Variants in SLC35F3 observed in about 807,000 individuals in gnomAD.
SLC35F3 encodes the protein putative thiamine transporter SLC35F3.
SLC35F3 carries 25 observed loss-of-function variants against 49.9 expected under a neutral mutation model. The observed-to-expected ratio is 0.50, with a 90% CI of 0.37 to 0.70. The LOEUF (loss-of-function observed/expected upper bound fraction) is 0.70. Among genes scored for constraint, SLC35F3 ranks in the 30% least tolerant of loss-of-function variants. The pLI is 0.00. For synonymous variants in SLC35F3, 275 were observed against 265.4 expected, an observed-to-expected ratio of 1.04 and a Z score of -0.35; for missense variants, 525 against 639.8, an observed-to-expected ratio of 0.82 and a Z score of 1.94.
chr1:234,248,072 T>C (rs1014133226), intron 3 of SLC35F3, among the ~76,000 whole-genome samples: 2 of 152,288 alleles, frequency 1.3e-5, no homozygotes, highest in Non-Finnish European at 2.9e-5. Context: ...GTTCAGTAGG[T>C]TGGTTGGCTG....
At chr1:234,226,550 T>G (rs1292452856) in intron 2 of SLC35F3, among the ~76,000 whole-genome samples, 7 of 22,338 alleles carry the variant, frequency 3.1e-4, no homozygotes, top group African/African-American at 3.0e-3. Context: ...TTACATTAAG[T>G]TAAAAAAAAA....
chr1:234,040,483 C>G (rs1337397649), intron 2 of SLC35F3, among the ~76,000 whole-genome samples: 1 of 152,208 alleles, frequency 6.6e-6, no homozygotes, highest in Non-Finnish European at 1.5e-5. Context: ...CCCCTGTCTG[C>G]CTAGAGTTTC....
chr1:233,937,329 A>G (rs1418480129), intron 2 of SLC35F3, among the ~76,000 whole-genome samples: 1 of 152,262 alleles, frequency 6.6e-6, no homozygotes, highest in Non-Finnish European at 1.5e-5. Context: ...TGCAAATTAA[A>G]TGGATGAAGA....
chr1:234,022,361 A>G (rs1663908969), intron 2 of SLC35F3, among the ~76,000 whole-genome samples: 1 of 152,218 alleles, frequency 6.6e-6, no homozygotes, highest in Non-Finnish European at 1.5e-5. Flanking sequence ...GGAGGCTGGC[A>G]AGTTCAAAAG....
intron 2 of SLC35F3, among the ~76,000 whole-genome samples, chr1:234,062,234 A>C (rs764234166): frequency 6.6e-6 from 1 of 152,200 alleles, no homozygotes; most frequent in South Asian, 2.1e-4. Context: ...CATTGCCTGA[A>C]GTTTCTGATG....
intron 2 of SLC35F3, among the ~76,000 whole-genome samples, chr1:233,906,190 C>T (rs144168996): frequency 2.6e-5 from 4 of 152,310 alleles, no homozygotes; most frequent in Middle Eastern, 3.4e-3. Context: ...TTAACTCTTC[C>T]TTGCATCTCC....
intron 2 of SLC35F3, among the ~76,000 whole-genome samples, chr1:234,139,951 T>TAATAAAATAAATAAAATAA (rs1665868497): frequency 1.1e-5 from 1 of 90,564 alleles, no homozygotes; most frequent in Non-Finnish European, 2.3e-5. Context: ...CATCTCAAAA[T>TAATAAAATAAATAAAATAA]AATAAAATAA....
At chr1:234,110,376 G>A (rs992032850) in intron 2 of SLC35F3, among the ~76,000 whole-genome samples, 2 of 152,202 alleles carry the variant, frequency 1.3e-5, no homozygotes, top group African/African-American at 4.8e-5. Context: ...CAAATCAGCC[G>A]ACAGGAGGCA....
Position 234,320,263 on chromosome 1 carries a change from C to T in SLC35F3, c.1237+76C>T. The T allele has an allele frequency of 1.0e-6, 1 of 989,402 alleles. No homozygotes were observed. Among genetic ancestry groups the T allele is most frequent in the Non-Finnish European group, 1.6e-6 (1 of 618,166 alleles). 61.3% of individuals were successfully genotyped at this position (989,402 alleles called of 1,614,324 possible). On this transcript the variant is annotated intron_variant, in intron 7 of 7. Coordinates refer to ENST00000366618, the MANE Select transcript of SLC35F3 (RefSeq NM_173508.4). The surrounding 1 kb of genome is among the most constrained non-coding windows in gnomAD (Gnocchi z 4.8). Reference sequence around the variant, plus strand: ...ACCTACTCACACACACATACACACACTCATGCATACATACACACTCACACA... The same window carrying T: ...ACCTACTCACACACACATACACACATTCATGCATACATACACACTCACACA...
intron 6 of SLC35F3, among the ~76,000 whole-genome samples, chr1:234,319,398 T>C (rs1657562832): frequency 6.6e-6 from 1 of 152,172 alleles, no homozygotes. Flanking sequence ...CTTACCCAGT[T>C]TCCATCTAAA....
At position 234,002,033 on chromosome 1, in the gene SLC35F3, C is replaced by T. The variant is rs188619976; in HGVS notation, c.283+96275C>T. Among the ~76,000 whole-genome samples the T allele has an allele frequency of 1.9e-3, 292 of 152,282 alleles. 1 individual carries two copies. Among genetic ancestry groups the T allele is most frequent in the East Asian group, 1.2e-3 (6 of 5,188 alleles). ...CACCCTGTAGGAGGACCAGCCTCTG[C>T]CTGGGGGTGAGTTGTGCTGCTGGCT... On this transcript the variant is annotated intron_variant, in intron 2 of 7. Coordinates refer to ENST00000366618, the MANE Select transcript of SLC35F3 (RefSeq NM_173508.4).
intron 2 of SLC35F3, among the ~76,000 whole-genome samples, chr1:234,180,645 C>G (rs1193290339): frequency 1.3e-5 from 2 of 152,150 alleles, no homozygotes; most frequent in Non-Finnish European, 2.9e-5. Flanking sequence ...ACCTCTCTTC[C>G]TATTTCCCTC....
At chr1:234,150,433 C>T (rs940816445) in intron 2 of SLC35F3, among the ~76,000 whole-genome samples, 1 of 152,118 alleles carries the variant, frequency 6.6e-6, no homozygotes, top group Non-Finnish European at 1.5e-5. Context: ...ACATTTTTGT[C>T]AGGTCTGTGT....
At chr1:234,125,989 G>A (rs1665641997) in intron 2 of SLC35F3, among the ~76,000 whole-genome samples, 2 of 152,188 alleles carry the variant, frequency 1.3e-5, no homozygotes, top group Non-Finnish European at 2.9e-5. Context: ...GAGCTCCGCC[G>A]CTCTAGGGTC....
intron 3 of SLC35F3, among the ~76,000 whole-genome samples, chr1:234,244,395 A>G (rs190587087): frequency 2.6e-4 from 39 of 152,186 alleles, no homozygotes; most frequent in Middle Eastern, 6.8e-3. Context: ...GGAAGAAACT[A>G]TCCATGGGCA....
chr1:234,069,309 G>A (rs1337220748), intron 2 of SLC35F3, among the ~76,000 whole-genome samples: 1 of 145,684 alleles, frequency 6.9e-6, no homozygotes, highest in African/African-American at 2.5e-5. Flanking sequence ...CCAGGCTGGA[G>A]TGCAGTGGTG....
At chr1:234,268,078 C>T (rs1342676053) in intron 3 of SLC35F3, among the ~76,000 whole-genome samples, 2 of 151,994 alleles carry the variant, frequency 1.3e-5, no homozygotes, top group Non-Finnish European at 2.9e-5. Flanking sequence ...GCTGCAATCT[C>T]GGCTCTTTGG....
intron 2 of SLC35F3, among the ~76,000 whole-genome samples, chr1:234,155,608 G>T (rs1666139960): frequency 6.6e-6 from 1 of 151,750 alleles, no homozygotes; most frequent in Admixed American, 6.6e-5. Context: ...TTAAAATATT[G>T]TTAAAATAAT....
chr1:234,149,339 C>T (rs971940854), intron 2 of SLC35F3, among the ~76,000 whole-genome samples: 2 of 152,168 alleles, frequency 1.3e-5, no homozygotes, highest in East Asian at 1.9e-4. Flanking sequence ...TTCCCAAAGT[C>T]CAATCTGGAT....
Sources: allele counts gnomAD v4.1 joint callset (sites outside exome capture counted in the v4.1 genomes callset), GRCh38; gene constraint gnomAD v4.1.1; non-coding constraint Gnocchi (gnomAD v3.1); transcripts MANE v1.5; gene names NCBI Gene and HGNC (gene_info 2026-07-23, HGNC 2026-07-21).